Variants in FARS2 observed in about 807,000 individuals in gnomAD.
FARS2 encodes phenylalanine--tRNA ligase, mitochondrial.
Under a neutral mutation model 46.4 loss-of-function variants are expected in FARS2, and 40 were observed. The observed-to-expected ratio is 0.86, with a 90% CI of 0.67 to 1.12. The LOEUF (loss-of-function observed/expected upper bound fraction) is 1.12, where lower values mean the gene tolerates loss of function less well. Among genes scored for constraint, FARS2 ranks in the 50% most tolerant of loss-of-function variants. FARS2 has a pLI of 0.00. For synonymous variants in FARS2, 234 were observed against 214.9 expected (o/e 1.09, Z -0.78); for missense variants, 513 against 567.9 (o/e 0.90, Z 0.98).
chr6:5,743,516 A>G (rs1392307076), intron 6 of FARS2, among the ~76,000 whole-genome samples: 1 of 152,248 alleles, frequency 6.6e-6, no homozygotes, highest in Non-Finnish European at 1.5e-5. Context: ...CTTGAATATT[A>G]GAAGGTGAAA....
intron 6 of FARS2, among the ~76,000 whole-genome samples, chr6:5,640,139 G>GGTGTCT (rs1776739688): frequency 6.7e-6 from 1 of 149,788 alleles, no homozygotes; most frequent in Non-Finnish European, 1.5e-5. Context: ...ACTTTTGTCA[G>GGTGTCT]GTGTGTGTGT....
chr6:5,721,796 A>T (rs1759928657), intron 6 of FARS2, among the ~76,000 whole-genome samples: 1 of 152,246 alleles, frequency 6.6e-6, no homozygotes, highest in Admixed American at 6.5e-5. Flanking sequence ...TGCATTTATT[A>T]TCTCTGCCAT....
chr6:5,507,890 G>A (rs191971806), intron 4 of FARS2, among the ~76,000 whole-genome samples: 35 of 152,316 alleles, frequency 2.3e-4, no homozygotes, highest in Admixed American at 2.0e-3. Flanking sequence ...CGATCCAAAT[G>A]GGATGGGTGG....
intron 2 of FARS2, among the ~76,000 whole-genome samples, chr6:5,379,025 C>T (rs1759578600): frequency 6.6e-6 from 1 of 152,218 alleles, no homozygotes; most frequent in Non-Finnish European, 1.5e-5. Flanking sequence ...GGCTCTTAGT[C>T]TGAGACTCAT....
intron 4 of FARS2, among the ~76,000 whole-genome samples, chr6:5,520,176 A>G (rs150228774): frequency 6.6e-6 from 1 of 152,318 alleles, no homozygotes; most frequent in East Asian, 1.9e-4. Flanking sequence ...ATTGAGTTTG[A>G]ACTGAATTTG....
intron 6 of FARS2, among the ~76,000 whole-genome samples, chr6:5,623,724 T>TA (rs373572384): frequency 0.22 from 29,715 of 132,834 alleles, 3,654 homozygotes; most frequent in Admixed American, 0.33. Context: ...AAAAAATAAA[T>TA]AAATAAAATA....
intron 2 of FARS2, among the ~76,000 whole-genome samples, chr6:5,392,964 TATTG>T (rs1562007652): frequency 1.3e-4 from 20 of 148,788 alleles, no homozygotes; most frequent in African/African-American, 4.7e-4. Context: ...ACATAAAATA[TATTG>T]ATTTTAAATA....
intron 6 of FARS2, among the ~76,000 whole-genome samples, chr6:5,733,947 T>C (rs1760795109): frequency 6.6e-6 from 1 of 152,202 alleles, no homozygotes; most frequent in Non-Finnish European, 1.5e-5. Context: ...ATTAAATGAA[T>C]GGATATATGA....
At chr6:5,324,574 C>G (rs1770224913) in intron 1 of FARS2, among the ~76,000 whole-genome samples, 1 of 150,900 alleles carries the variant, frequency 6.6e-6, no homozygotes, top group Admixed American at 6.6e-5. Flanking sequence ...CTGCTTCTTG[C>G]AAGTTTTTGG....
chr6:5,411,322 C>G (rs1009822881), intron 3 of FARS2, among the ~76,000 whole-genome samples: 1 of 152,086 alleles, frequency 6.6e-6, no homozygotes, highest in Non-Finnish European at 1.5e-5. Context: ...ATCGTCTTCT[C>G]TCTAGGTGCT....
At chr6:5,558,475 G>A (rs907082814) in intron 5 of FARS2, among the ~76,000 whole-genome samples, 5 of 152,024 alleles carry the variant, frequency 3.3e-5, no homozygotes, top group Non-Finnish European at 5.9e-5. Context: ...CTATCATTTG[G>A]CCAAATAATG....
chr6:5,342,604 T>G (rs1398163836), intron 1 of FARS2, among the ~76,000 whole-genome samples: 1 of 151,880 alleles, frequency 6.6e-6, no homozygotes, highest in Non-Finnish European at 1.5e-5. Flanking sequence ...AATACAAAAT[T>G]AGCCAGGCTT....
intron 1 of FARS2, among the ~76,000 whole-genome samples, chr6:5,288,494 T>C (rs1286330823): frequency 6.6e-6 from 1 of 152,224 alleles, no homozygotes; most frequent in Admixed American, 6.5e-5. Context: ...TTCTTCTCAC[T>C]TGTGCACTGT....
intron 3 of FARS2, among the ~76,000 whole-genome samples, chr6:5,409,911 G>A (rs776462694): frequency 5.3e-5 from 8 of 152,114 alleles, no homozygotes; most frequent in African/African-American, 1.2e-4. Context: ...GTCCCCGACC[G>A]TGTTTGCCGT....
chr6:5,263,557 T>A (rs1888145), intron 1 of FARS2, among the ~76,000 whole-genome samples: 2,025 of 152,292 alleles, frequency 0.013, 23 homozygotes, highest in Non-Finnish European at 0.021. Context: ...TGTAAGTAGA[T>A]TTGGGCCAGA....
chr6:5,613,119 T>C, intron 5 of FARS2, 50 bp from the exon 6 acceptor site: 1 of 1,517,980 alleles, frequency 6.6e-7, no homozygotes, highest in Non-Finnish European at 9.0e-7. Context: ...ATTTAAATAT[T>C]CTCATTCAAC....
chr6:5,543,553 C>T (rs1485310965), intron 4 of FARS2, among the ~76,000 whole-genome samples: 2 of 151,994 alleles, frequency 1.3e-5, no homozygotes, highest in African/African-American at 2.4e-5. Flanking sequence ...TTGGTAGAGA[C>T]GGGGTTTCAC....
At chr6:5,725,265 G>A (rs779025693) in intron 6 of FARS2, among the ~76,000 whole-genome samples, 1 of 152,234 alleles carries the variant, frequency 6.6e-6, no homozygotes, top group Non-Finnish European at 1.5e-5. Flanking sequence ...GGTGTATGGA[G>A]GAAGGTGAAA....
rs892265721 is a variant in FARS2, at chr6:5,593,300, C to CG, written c.1066-19869_1066-19868insG. Among the ~76,000 whole-genome samples the CG allele has an allele frequency of 1.5e-3, 221 of 146,880 alleles. 1 individual carries two copies. Among genetic ancestry groups the CG allele is most frequent in the African/African-American group, 5.9e-3 (214 of 36,310 alleles). ...CATGAAGGAACTGCACCTCCCGCCCCCACCGGCCTCTGCTGGTGCCTTTCC... is the reference window on the plus strand; with the variant it reads ...CATGAAGGAACTGCACCTCCCGCCCCGCACCGGCCTCTGCTGGTGCCTTTCC... On this transcript the variant is annotated intron_variant, in intron 5 of 6. Transcript: ENST00000274680.
Sources: gnomAD v4.1 joint callset for allele counts (sites outside exome capture counted in the v4.1 genomes callset) on GRCh38, gnomAD v4.1.1 for gene constraint, MANE v1.5 for transcripts, NCBI Gene and HGNC (gene_info 2026-07-23, HGNC 2026-07-21) for gene names.